The following HEG1 variants were observed in gnomAD, a reference collection of about 807,000 sequenced individuals.
The protein encoded by HEG1 is heart development protein with EGF like domains 1, also known as protein HEG homolog 1.
Under a neutral mutation model 125.6 loss-of-function variants are expected in HEG1, and 56 were observed. The ratio of observed to expected loss-of-function variants is 0.45; its 90% CI spans 0.36 to 0.56. HEG1 has a LOEUF of 0.56. Among genes scored for constraint, HEG1 ranks in the 20% least tolerant of loss-of-function variants. The pLI is 0.00. For synonymous variants in HEG1, 644 were observed against 668.5 expected, an observed-to-expected ratio of 0.96 and a Z score of 0.57; for missense variants, 1,523 against 1,670.0, an observed-to-expected ratio of 0.91 and a Z score of 1.53.
chr3:125,003,579 G>A (rs1175882005), intron 9 of HEG1, among the ~76,000 whole-genome samples: 1 of 152,154 alleles, frequency 6.6e-6, no homozygotes, highest in African/African-American at 2.4e-5. Context: ...TTTACCTGGG[G>A]GTGCTGGGCC....
At chr3:125,052,309 C>G (rs954677769) in intron 1 of HEG1, among the ~76,000 whole-genome samples, 10 of 152,200 alleles carry the variant, frequency 6.6e-5, no homozygotes, top group Non-Finnish European at 1.0e-4. Context: ...TGTAATGGTT[C>G]TCCCAGCAGC....
chr3:125,014,569 T>C (rs1937215035), intron 5 of HEG1: 2 of 569,992 alleles, frequency 3.5e-6, no homozygotes, highest in Admixed American at 4.0e-5. Flanking sequence ...CTTCCTGAGG[T>C]GGGAGAATCT....
chr3:124,987,209 A>G (rs1936751927), intron 14 of HEG1, among the ~76,000 whole-genome samples: 1 of 152,212 alleles, frequency 6.6e-6, no homozygotes, highest in Non-Finnish European at 1.5e-5. Flanking sequence ...CATCTCTAAA[A>G]ATAAAAAATA....
chr3:124,975,844 G>A (rs571029229), intron 15 of HEG1, among the ~76,000 whole-genome samples: 1 of 152,362 alleles, frequency 6.6e-6, no homozygotes, highest in South Asian at 2.1e-4. Context: ...CCATGTTATA[G>A]TATGTATCAG....
At chr3:124,974,296 A>C (rs1936497258) in intron 15 of HEG1, among the ~76,000 whole-genome samples, 1 of 152,136 alleles carries the variant, frequency 6.6e-6, no homozygotes, top group Non-Finnish European at 1.5e-5. Context: ...ATTCTAGTCC[A>C]GTGGATCCCA....
Position 125,019,448 on chromosome 3 carries a change from C to A in HEG1, c.1402G>T (p.Asp468Tyr). ...WLLTNSTTSA[D>Y]VTGSSASYPE... Reference sequence around the variant, plus strand: ...TATGAAGCAGAGCTTCCTGTCACATCTGCAGATGTTGTGCTGTTGGTCAAG... The same window carrying A: ...TATGAAGCAGAGCTTCCTGTCACATATGCAGATGTTGTGCTGTTGGTCAAG... Residue 468 changes from aspartate to tyrosine, a missense_variant, in exon 5 of 17, where the codon GAT becomes TAT. By Grantham distance (160) the Asp-to-Tyr change is radical. Transcript: ENST00000311127. The A allele has an allele frequency of 1.2e-6, 2 of 1,614,052 alleles. No homozygotes were observed. Among genetic ancestry groups the A allele is most frequent in the Non-Finnish European group, 1.7e-6 (2 of 1,179,902 alleles).
chr3:124,983,288 T>C (rs1307129963), intron 14 of HEG1, among the ~76,000 whole-genome samples: 7 of 152,218 alleles, frequency 4.6e-5, no homozygotes, highest in Non-Finnish European at 1.0e-4. Context: ...TCTCCATATT[T>C]TTCCTCACTG....
In HEG1 at chr3:124,967,585, G is replaced by C. The variant is rs1270773317; in HGVS notation, c.*3067C>G. 1.3e-5 allele frequency: 2 copies of C among 151,566 alleles called. No individual in the cohort carries two copies. The highest frequency in any genetic ancestry group is 2.9e-5 in the Non-Finnish European group (2 of 67,960). 9.4% of individuals were successfully genotyped at this position (151,566 alleles called of 1,614,324 possible). On this transcript the variant is annotated 3_prime_UTR_variant, in exon 17 of 17. Transcript: ENST00000311127. The stretch of plus-strand genomic sequence containing the variant: ...TCTCTTGCCCTCTTTGATATTTAAG[G>C]TATACAGGATGGTGAGGGGTGTGCC...
intron 12 of HEG1, among the ~76,000 whole-genome samples, chr3:124,992,012 T>C (rs1677016578): frequency 6.6e-6 from 1 of 152,120 alleles, no homozygotes; most frequent in African/African-American, 2.4e-5. Context: ...GACATATGGC[T>C]CCCCTTCTTT....
intron 6 of HEG1, among the ~76,000 whole-genome samples, chr3:125,010,760 A>G (rs1320357646): frequency 5.9e-5 from 9 of 152,256 alleles, no homozygotes; most frequent in Admixed American, 5.9e-4. Flanking sequence ...TCCAGATCTA[A>G]GTGTCAGACA....
At chr3:124,990,887 G>A (rs1936822140) in intron 13 of HEG1, 57 bp downstream of exon 13, 6 of 1,550,996 alleles carry the variant, frequency 3.9e-6, no homozygotes, top group Non-Finnish European at 5.2e-6. Context: ...AATAAGTGAG[G>A]CAATTTATCT....
chr3:125,030,869 G>A (rs550891184), intron 1 of HEG1, among the ~76,000 whole-genome samples: 54 of 152,308 alleles, frequency 3.5e-4, no homozygotes, highest in African/African-American at 1.3e-3. Flanking sequence ...TGCTCAGCTG[G>A]AAGGGAAAAT....
At chr3:125,026,368 A>G (rs1038865705) in intron 3 of HEG1, among the ~76,000 whole-genome samples, 19 of 152,136 alleles carry the variant, frequency 1.2e-4, no homozygotes, top group African/African-American at 3.9e-4. Flanking sequence ...GAGGCATTAG[A>G]TGACCTGCTA....
chr3:125,005,140 C>T (rs528562533), intron 9 of HEG1, 125 bp downstream of exon 9: 12 of 637,804 alleles, frequency 1.9e-5, no homozygotes, highest in Middle Eastern at 2.5e-4. Context: ...AGAAGTTTCC[C>T]TTCCAAATAT....
intron 1 of HEG1, among the ~76,000 whole-genome samples, chr3:125,035,350 T>A (rs1937539935): frequency 6.6e-6 from 1 of 152,098 alleles, no homozygotes; most frequent in Non-Finnish European, 1.5e-5. Flanking sequence ...AAACGAAACA[T>A]GTACCTCTAT....
intron 1 of HEG1, among the ~76,000 whole-genome samples, chr3:125,042,591 A>G (rs186098610): frequency 1.6e-4 from 25 of 152,278 alleles, no homozygotes; most frequent in Non-Finnish European, 2.8e-4. Flanking sequence ...GGGGTGTGAG[A>G]ACGGGCCCCC....
intron 16 of HEG1, among the ~76,000 whole-genome samples, chr3:124,972,548 T>C (rs1159908136): frequency 6.6e-6 from 1 of 152,178 alleles, no homozygotes; most frequent in African/African-American, 2.4e-5. Flanking sequence ...AAAGTCTGCA[T>C]CCCCATGGTC....
At chr3:124,991,057 A>G in intron 12 of HEG1, 71 bp from the exon 13 acceptor site, 1 of 1,197,688 alleles carries the variant, frequency 8.3e-7, no homozygotes, top group Non-Finnish European at 1.2e-6. Flanking sequence ...ATTAAACGCC[A>G]GCCACCCTAA....
chr3:124,978,830 T>TAAATAAAC (rs1560014793), intron 14 of HEG1, among the ~76,000 whole-genome samples: 1 of 150,890 alleles, frequency 6.6e-6, no homozygotes, highest in Non-Finnish European at 1.5e-5. Context: ...AATAAATAAA[T>TAAATAAAC]AAATAAATAA....
Sources: gnomAD v4.1 joint callset for allele counts (sites outside exome capture counted in the v4.1 genomes callset) on GRCh38, gnomAD v4.1.1 for gene constraint, MANE v1.5 for transcripts, NCBI Gene and HGNC (gene_info 2026-07-23, HGNC 2026-07-21) for gene names.